ZCCHC10: variants seen among roughly 807,000 people sequenced by gnomAD.
ZCCHC10 encodes the protein zinc finger CCHC domain-containing protein 10.
In ZCCHC10, 16 loss-of-function variants were observed where a neutral mutation model predicts 19.5. The ratio of observed to expected loss-of-function variants is 0.82; its 90% CI spans 0.56 to 1.25. The LOEUF is 1.25. Ranked by LOEUF, ZCCHC10 falls within the 50% of genes most tolerant of loss-of-function variation. ZCCHC10 has a pLI of 0.00. For synonymous variants in ZCCHC10, 67 were observed against 72.5 expected, an observed-to-expected ratio of 0.92 and a Z score of 0.38; for missense variants, 197 against 201.0, an observed-to-expected ratio of 0.98 and a Z score of 0.12.
chr5:133,005,978 CTTTTTTTTT>C (rs760600232), intron 3 of ZCCHC10, among the ~76,000 whole-genome samples: 2 of 97,780 alleles, frequency 2.0e-5, no homozygotes, highest in African/African-American at 4.3e-5. Flanking sequence ...GAAGATGCTG[CTTTTTTTTT>C]TTTTTTTTTT....
chr5:133,008,895 C>A (rs1246730497), intron 2 of ZCCHC10, among the ~76,000 whole-genome samples: 1 of 152,116 alleles, frequency 6.6e-6, no homozygotes, highest in Non-Finnish European at 1.5e-5. Flanking sequence ...CAGCTGTAGT[C>A]CCAGCTACTT....
intron 2 of ZCCHC10, among the ~76,000 whole-genome samples, chr5:133,019,611 G>C (rs1458172361): frequency 6.6e-6 from 1 of 152,028 alleles, no homozygotes; most frequent in African/African-American, 2.4e-5. Context: ...ATGTAAAGTG[G>C]CACAAATTTT....
At chr5:132,998,982 C>T in intron 4 of ZCCHC10, 132 bp from the exon 5 acceptor site, 2 of 1,195,808 alleles carry the variant, frequency 1.7e-6, no homozygotes, top group Non-Finnish European at 2.3e-6. Context: ...GTGGCACAAT[C>T]TCAGCTCACT....
At chr5:133,002,301 A>G (rs557499463) in intron 3 of ZCCHC10, among the ~76,000 whole-genome samples, 6 of 152,180 alleles carry the variant, frequency 3.9e-5, no homozygotes, top group Non-Finnish European at 7.4e-5. Flanking sequence ...GTAATTATAT[A>G]TATTTTTAGA....
intron 3 of ZCCHC10, 72 bp from the exon 4 acceptor site, chr5:133,000,245 C>T: frequency 6.5e-7 from 1 of 1,534,946 alleles, no homozygotes; most frequent in Non-Finnish European, 8.9e-7. Flanking sequence ...AGCCCTTCTA[C>T]TATCCCCCAA....
At chr5:133,019,218 CAG>C (rs767590192) in intron 2 of ZCCHC10, 6 of 304,496 alleles carry the variant, frequency 2.0e-5, no homozygotes, top group Non-Finnish European at 2.6e-5. Flanking sequence ...AAAAAAAAAA[CAG>C]AGAGAGAAAA....
intron 1 of ZCCHC10, among the ~76,000 whole-genome samples, chr5:133,023,459 AC>A (rs1192883861): frequency 1.5e-5 from 2 of 131,902 alleles, no homozygotes; most frequent in African/African-American, 6.1e-5. Context: ...TAGTCCAAAG[AC>A]CTTTTTTTTT....
intron 4 of ZCCHC10, 106 bp from the exon 5 acceptor site, chr5:132,998,956 C>T (rs1021532695): frequency 2.1e-6 from 3 of 1,463,004 alleles, no homozygotes; most frequent in Non-Finnish European, 2.7e-6. Flanking sequence ...TGCTCTGTTG[C>T]CCAGTGTGGA....
chr5:132,999,088 G>T (rs1163708006), intron 4 of ZCCHC10, among the ~76,000 whole-genome samples: 1 of 151,870 alleles, frequency 6.6e-6, no homozygotes, highest in Admixed American at 6.6e-5. Flanking sequence ...GATGATTTTT[G>T]TATTTTTAGT....
chr5:133,004,514 G>A (rs1762982366), intron 3 of ZCCHC10, among the ~76,000 whole-genome samples: 1 of 150,028 alleles, frequency 6.7e-6, no homozygotes, highest in Non-Finnish European at 1.5e-5. Flanking sequence ...CTGAGACGGA[G>A]TCTCGCTCTG....
chr5:133,016,178 C>T (rs982638280), intron 2 of ZCCHC10, among the ~76,000 whole-genome samples: 5 of 152,158 alleles, frequency 3.3e-5, no homozygotes, highest in Non-Finnish European at 5.9e-5. Flanking sequence ...CCAAGGTGAT[C>T]TGATAATGTT....
At chr5:133,004,411 T>G (rs1225334195) in intron 3 of ZCCHC10, among the ~76,000 whole-genome samples, 1 of 152,218 alleles carries the variant, frequency 6.6e-6, no homozygotes, top group African/African-American at 2.4e-5. Flanking sequence ...CAACCTCAGG[T>G]GATCCACCCG....
intron 2 of ZCCHC10, 63 bp from the exon 3 acceptor site, chr5:133,006,983 C>T (rs1384921485): frequency 1.4e-6 from 2 of 1,432,640 alleles, no homozygotes; most frequent in Non-Finnish European, 1.9e-6. Context: ...ACCCTAAAAA[C>T]TATAAAAAAA....
At chr5:133,020,401 G>A (rs55859538) in intron 2 of ZCCHC10, among the ~76,000 whole-genome samples, 46,960 of 151,584 alleles carry the variant, frequency 0.31, 8,176 homozygotes, top group African/African-American at 0.48. Flanking sequence ...CCGAGATCAC[G>A]CCACTGTACT....
chr5:133,005,517 G>A (rs965722761), intron 3 of ZCCHC10, among the ~76,000 whole-genome samples: 35 of 152,140 alleles, frequency 2.3e-4, no homozygotes, highest in African/African-American at 8.4e-4. Context: ...GGGAGGCTGA[G>A]GTGGGAGAAT....
intron 4 of ZCCHC10, among the ~76,000 whole-genome samples, chr5:132,999,169 C>T (rs751775794): frequency 6.6e-5 from 10 of 152,092 alleles, no homozygotes; most frequent in African/African-American, 2.2e-4. Flanking sequence ...ATGATCTGCC[C>T]GCCTCAGCCT....
chr5:133,015,237 C>T (rs1170868918), intron 2 of ZCCHC10, among the ~76,000 whole-genome samples: 1 of 151,980 alleles, frequency 6.6e-6, no homozygotes, highest in Non-Finnish European at 1.5e-5. Context: ...CACCACCACA[C>T]TCAGCTAATT....
chr5:133,022,674 A>G (rs1764397878), intron 2 of ZCCHC10, among the ~76,000 whole-genome samples, 167 bp downstream of exon 2: 1 of 151,844 alleles, frequency 6.6e-6, no homozygotes. Flanking sequence ...GATGGTCTCG[A>G]TCTCTTGACC....
At chr5:133,003,229 T>C (rs115357035) in intron 3 of ZCCHC10, 12 of 391,888 alleles carry the variant, frequency 3.1e-5, no homozygotes, top group Non-Finnish European at 5.0e-5. Context: ...GCCTCTGACA[T>C]TGTTCAATCC....
Sources: gnomAD v4.1 joint callset for allele counts (sites outside exome capture counted in the v4.1 genomes callset) on GRCh38, gnomAD v4.1.1 for gene constraint, MANE v1.5 for transcripts, NCBI Gene and HGNC (gene_info 2026-07-23, HGNC 2026-07-21) for gene names.